Variants in VAT1L observed in about 807,000 individuals in gnomAD.
The protein encoded by VAT1L is putative NADPH-dependent quinone oxidoreductase VAT1L.
VAT1L carries 34 observed loss-of-function variants against 44.1 expected under a neutral mutation model. That is an observed-to-expected ratio of 0.77 (90% CI 0.59 to 1.03). VAT1L has a LOEUF of 1.03. Among genes scored for constraint, VAT1L ranks in the 50% least tolerant of loss-of-function variants. The probability of loss-of-function intolerance (pLI) is 0.00; values close to 1 mark genes in which losing one functional copy is unlikely to be tolerated. For missense variants in VAT1L, 615 were observed against 538.8 expected (o/e 1.14, Z -1.40); for synonymous variants, 253 against 202.2 (o/e 1.25, Z -2.13).
intron 1 of VAT1L, among the ~76,000 whole-genome samples, chr16:77,790,299 C>T (rs1268578910): frequency 6.6e-6 from 1 of 152,152 alleles, no homozygotes; most frequent in African/African-American, 2.4e-5. Flanking sequence ...GAGGCTTTTG[C>T]AAACCGGGGG....
chr16:77,793,218 C>T (rs1020491911), intron 1 of VAT1L, among the ~76,000 whole-genome samples: 1 of 152,098 alleles, frequency 6.6e-6, no homozygotes, highest in Non-Finnish European at 1.5e-5. Flanking sequence ...CTCAAGTGAT[C>T]CTCCTGCCTT....
chr16:77,790,487 G>C (rs1006264890), intron 1 of VAT1L, among the ~76,000 whole-genome samples: 5 of 152,156 alleles, frequency 3.3e-5, no homozygotes, highest in Admixed American at 3.3e-4. Flanking sequence ...AAAGAGCTCG[G>C]AGGAGGATTG....
intron 7 of VAT1L, among the ~76,000 whole-genome samples, chr16:77,945,742 T>A (rs1348154079): frequency 6.6e-6 from 1 of 152,104 alleles, no homozygotes; most frequent in East Asian, 1.9e-4. Context: ...TTTCAGTATT[T>A]CCTTTTTGGA....
At chr16:77,811,686 A>G (rs2016268152) in intron 1 of VAT1L, among the ~76,000 whole-genome samples, 1 of 152,160 alleles carries the variant, frequency 6.6e-6, no homozygotes, top group South Asian at 2.1e-4. Flanking sequence ...CACGGGAGCA[A>G]TGTTTGTTGA....
intron 7 of VAT1L, among the ~76,000 whole-genome samples, chr16:77,949,745 T>G (rs1228046616): frequency 1.3e-5 from 2 of 152,198 alleles, no homozygotes; most frequent in Non-Finnish European, 2.9e-5. Flanking sequence ...TCTTCCAGCC[T>G]CCACAGTCAT....
chr16:77,941,442 A>G (rs1327411358), intron 7 of VAT1L, among the ~76,000 whole-genome samples: 3 of 152,232 alleles, frequency 2.0e-5, no homozygotes, highest in African/African-American at 4.8e-5. Flanking sequence ...TCTTCCCACC[A>G]TGGCTGATTT....
intron 7 of VAT1L, among the ~76,000 whole-genome samples, chr16:77,900,061 A>G (rs767077392): frequency 1.3e-5 from 2 of 152,228 alleles, no homozygotes; most frequent in African/African-American, 2.4e-5. Context: ...CTGACTCTAC[A>G]CCTTCTATTT....
At chr16:77,945,294 T>TTTTTTTTTTTGG (rs1567517610) in intron 7 of VAT1L, among the ~76,000 whole-genome samples, 1 of 147,362 alleles carries the variant, frequency 6.8e-6, no homozygotes, top group African/African-American at 2.5e-5. Flanking sequence ...TTTTTTTTTT[T>TTTTTTTTTTTGG]GAGAGAGAGA....
At chr16:77,874,532 C>T (rs1188072689) in intron 4 of VAT1L, among the ~76,000 whole-genome samples, 2 of 152,076 alleles carry the variant, frequency 1.3e-5, no homozygotes, top group Non-Finnish European at 2.9e-5. Flanking sequence ...TCTTCCTCAA[C>T]CACAGGGCCT....
intron 3 of VAT1L, among the ~76,000 whole-genome samples, chr16:77,860,476 A>G (rs955520066): frequency 6.6e-6 from 1 of 152,216 alleles, no homozygotes; most frequent in East Asian, 1.9e-4. Flanking sequence ...CAACCAGTAC[A>G]GAATAGAAAT....
At chr16:77,957,654 G>A (rs370814254) in intron 7 of VAT1L, among the ~76,000 whole-genome samples, 5 of 152,012 alleles carry the variant, frequency 3.3e-5, no homozygotes, top group African/African-American at 1.2e-4. Flanking sequence ...GAACCCGGGA[G>A]GCGGAGGTTG....
intron 5 of VAT1L, among the ~76,000 whole-genome samples, chr16:77,877,512 CAAAAAAAAAAAAA>C (rs55704400): frequency 1.6e-4 from 14 of 86,820 alleles, no homozygotes; most frequent in Non-Finnish European, 2.2e-4. Context: ...GACTCTGTCT[CAAAAAAAAAAAAA>C]AAAAAAAAAA....
chr16:77,923,226 G>A (rs2017631426), intron 7 of VAT1L, among the ~76,000 whole-genome samples: 1 of 152,184 alleles, frequency 6.6e-6, no homozygotes, highest in Admixed American at 6.5e-5. Context: ...CAAGGTGGGT[G>A]GATCATGAGG....
chr16:77,925,574 G>A (rs373644385), intron 7 of VAT1L, among the ~76,000 whole-genome samples: 155 of 152,288 alleles, frequency 1.0e-3, no homozygotes, highest in South Asian at 2.5e-3. Context: ...ACGTTCTAGC[G>A]TTTTCACTGC....
rs139813843 is a variant in VAT1L, at chr16:77,965,757, G to C, written c.1078-6093G>C. On this transcript the variant is annotated intron_variant, in intron 7 of 8. Coordinates refer to ENST00000302536, the MANE Select transcript of VAT1L (RefSeq NM_020927.3). ...GCCAGGGGCTCTAGGATGTGGGGTA[G>C]GCAGGACAAAGACCTCTAGGTGAGG... Among the ~76,000 whole-genome samples the C allele has an allele frequency of 1.5e-3, 228 of 152,206 alleles. 3 individuals are homozygous for C. The highest frequency in any genetic ancestry group is 5.3e-3 in the African/African-American group (222 of 41,544).
intron 7 of VAT1L, among the ~76,000 whole-genome samples, chr16:77,923,079 C>T (rs1048513456): frequency 7.9e-5 from 12 of 152,214 alleles, no homozygotes; most frequent in African/African-American, 2.2e-4. Flanking sequence ...CTCAATTCCT[C>T]CTTCAGCAGG....
At chr16:77,855,208 C>T (rs950752009) in intron 3 of VAT1L, among the ~76,000 whole-genome samples, 7 of 151,992 alleles carry the variant, frequency 4.6e-5, no homozygotes, top group Admixed American at 2.6e-4. Context: ...GGCATGGTGC[C>T]ACGTGCCTGC....
chr16:77,838,920 G>A (rs1348736202), intron 3 of VAT1L, among the ~76,000 whole-genome samples: 1 of 151,150 alleles, frequency 6.6e-6, no homozygotes, highest in South Asian at 2.1e-4. Flanking sequence ...CATCTGTCAA[G>A]TACAAGCCCT....
At chr16:77,826,569 A>C (rs999548955) in intron 3 of VAT1L, among the ~76,000 whole-genome samples, 1 of 152,064 alleles carries the variant, frequency 6.6e-6, no homozygotes, top group South Asian at 2.1e-4. Flanking sequence ...GGAAATCAAA[A>C]TTTCTGCTCT....
Sources: gnomAD v4.1 joint callset for allele counts (sites outside exome capture counted in the v4.1 genomes callset) on GRCh38, gnomAD v4.1.1 for gene constraint, MANE v1.5 for transcripts, NCBI Gene and HGNC (gene_info 2026-07-23, HGNC 2026-07-21) for gene names.